Variants in SDCCAG8 observed in about 807,000 individuals in gnomAD.
The protein encoded by SDCCAG8 is serologically defined colon cancer antigen 8.
In SDCCAG8, 74 loss-of-function variants were observed where a neutral mutation model predicts 101.8. The ratio of observed to expected loss-of-function variants is 0.73; its 90% CI spans 0.60 to 0.88. SDCCAG8 has a LOEUF of 0.88. SDCCAG8 is among the 40% of genes least tolerant of loss of function. The pLI is 0.00. For synonymous variants in SDCCAG8, 281 were observed against 292.9 expected (o/e 0.96, Z 0.41); for missense variants, 787 against 822.6 (o/e 0.96, Z 0.53).
At chr1:243,435,635 G>A (rs1262551450) in intron 16 of SDCCAG8, among the ~76,000 whole-genome samples, 1 of 152,022 alleles carries the variant, frequency 6.6e-6, no homozygotes, top group Non-Finnish European at 1.5e-5. Context: ...TTATTTCTAA[G>A]GCAAAATGCC....
intron 3 of SDCCAG8, among the ~76,000 whole-genome samples, chr1:243,274,056 GC>G (rs1230377161): frequency 1.3e-5 from 2 of 152,156 alleles, no homozygotes; most frequent in African/African-American, 4.8e-5. Flanking sequence ...GGTTTAATCA[GC>G]TCATGGTTCT....
chr1:243,475,959 G>T lies in SDCCAG8; in HGVS notation c.1986-13055G>T, dbSNP rs190111222. ...CACACAACTGGGCAGGCTCCATCTC[G>T]TCTGCTGCTGGAACCCACTAGAAAC... On this transcript the variant is annotated intron_variant, in intron 16 of 17. Coordinates refer to ENST00000366541, the MANE Select transcript of SDCCAG8 (RefSeq NM_006642.5). 7.7e-4 allele frequency: 758 copies of T among 985,350 alleles called. 3 individuals are homozygous for T. In the African/African-American group the frequency reaches 0.011, roughly 15 times the overall value. The allele number at this position is 985,350 out of a possible 1,614,324, so 61.0% of individuals were successfully genotyped here.
intron 13 of SDCCAG8, among the ~76,000 whole-genome samples, chr1:243,391,716 A>C (rs1302971789): frequency 1.3e-5 from 2 of 152,234 alleles, no homozygotes; most frequent in Non-Finnish European, 2.9e-5. Flanking sequence ...CCTATTCCTG[A>C]CCAGGAGATT....
chr1:243,367,366 A>G (rs1421203241), intron 12 of SDCCAG8, among the ~76,000 whole-genome samples: 1 of 152,102 alleles, frequency 6.6e-6, no homozygotes, highest in Non-Finnish European at 1.5e-5. Context: ...ATTTGAATAC[A>G]GCTAGTGTAG....
chr1:243,368,449 G>A (rs2077109628), intron 12 of SDCCAG8, among the ~76,000 whole-genome samples: 1 of 152,122 alleles, frequency 6.6e-6, no homozygotes, highest in Non-Finnish European at 1.5e-5. Flanking sequence ...TTTATAGTAT[G>A]TGCAGTAGAA....
intron 17 of SDCCAG8, among the ~76,000 whole-genome samples, chr1:243,493,777 T>C (rs1027143188): frequency 2.6e-5 from 4 of 151,786 alleles, no homozygotes; most frequent in African/African-American, 9.7e-5. Flanking sequence ...ATCATCGACA[T>C]TATCTCATTA....
At chr1:243,404,091 G>A (rs7547078) in intron 13 of SDCCAG8, among the ~76,000 whole-genome samples, 91 of 152,306 alleles carry the variant, frequency 6.0e-4, no homozygotes, top group African/African-American at 2.2e-3. Context: ...GTGTACAGAT[G>A]CCCTGCTGGC....
intron 16 of SDCCAG8, among the ~76,000 whole-genome samples, chr1:243,467,222 A>AT: frequency 6.6e-6 from 1 of 152,254 alleles, no homozygotes; most frequent in Middle Eastern, 3.4e-3. Flanking sequence ...AAAGGCTTTC[A>AT]TTTTTTTGTT....
intron 16 of SDCCAG8, among the ~76,000 whole-genome samples, chr1:243,456,014 G>T (rs1054602109): frequency 2.0e-4 from 30 of 152,240 alleles, no homozygotes; most frequent in African/African-American, 7.0e-4. Flanking sequence ...AGCAAGGACT[G>T]TTGGCGTGGG....
At chr1:243,440,377 C>G (rs111291406) in intron 16 of SDCCAG8, among the ~76,000 whole-genome samples, 115 of 152,256 alleles carry the variant, frequency 7.6e-4, no homozygotes, top group African/African-American at 2.6e-3. Context: ...ATAAGCTCTG[C>G]TGCTAGACAG....
At chr1:243,442,010 G>A (rs1343442839) in intron 16 of SDCCAG8, among the ~76,000 whole-genome samples, 4 of 152,122 alleles carry the variant, frequency 2.6e-5, no homozygotes, top group African/African-American at 9.7e-5. Flanking sequence ...GTGGCAAAAA[G>A]AGGCTCTTTA....
At chr1:243,450,548 A>G (rs777352561) in intron 16 of SDCCAG8, among the ~76,000 whole-genome samples, 1 of 152,242 alleles carries the variant, frequency 6.6e-6, no homozygotes, top group Non-Finnish European at 1.5e-5. Context: ...GTGGGAAAGC[A>G]TGTATTCTAG....
chr1:243,447,837 G>C (rs1399984333), intron 16 of SDCCAG8, among the ~76,000 whole-genome samples: 1 of 152,076 alleles, frequency 6.6e-6, no homozygotes, highest in Non-Finnish European at 1.5e-5. Flanking sequence ...ACAAAGAAGG[G>C]TAAGGGGATA....
intron 13 of SDCCAG8, among the ~76,000 whole-genome samples, chr1:243,387,777 G>A (rs1324983740): frequency 1.3e-5 from 2 of 152,182 alleles, no homozygotes; most frequent in Non-Finnish European, 2.9e-5. Context: ...GTGCAGTGGT[G>A]TGGTCTTGGC....
intron 8 of SDCCAG8, among the ~76,000 whole-genome samples, chr1:243,311,276 A>C (rs1302341716): frequency 1.3e-5 from 2 of 152,176 alleles, no homozygotes; most frequent in Non-Finnish European, 2.9e-5. Context: ...CCATCTCCAA[A>C]ATATATTGTT....
chr1:243,339,418 G>A (rs145014486), intron 10 of SDCCAG8, among the ~76,000 whole-genome samples: 239 of 152,134 alleles, frequency 1.6e-3, no homozygotes, highest in Non-Finnish European at 2.7e-3. Context: ...TCATGAACTC[G>A]AAATTTTAAA....
intron 17 of SDCCAG8, among the ~76,000 whole-genome samples, chr1:243,495,467 C>T (rs1206488062): frequency 1.3e-5 from 2 of 152,186 alleles, no homozygotes; most frequent in African/African-American, 4.8e-5. Flanking sequence ...TTATCAGGGG[C>T]CCAGCCGGGC....
intron 15 of SDCCAG8, among the ~76,000 whole-genome samples, chr1:243,420,437 A>G (rs769352862): frequency 3.9e-5 from 6 of 152,172 alleles, no homozygotes; most frequent in Non-Finnish European, 7.3e-5. Flanking sequence ...TTACATAGCT[A>G]TTGTCTTTGC....
chr1:243,312,333 G>A (rs768658753), intron 8 of SDCCAG8, among the ~76,000 whole-genome samples: 1 of 152,202 alleles, frequency 6.6e-6, no homozygotes, highest in Non-Finnish European at 1.5e-5. Context: ...CCTTGTAAAT[G>A]TGGTATTGTG....
Sources: allele counts gnomAD v4.1 joint callset (sites outside exome capture counted in the v4.1 genomes callset), GRCh38; gene constraint gnomAD v4.1.1; transcripts MANE v1.5; gene names NCBI Gene and HGNC (gene_info 2026-07-23, HGNC 2026-07-21).